The following STX11 variants were observed in gnomAD, a reference collection of about 807,000 sequenced individuals.
STX11 encodes syntaxin 11, also known as syntaxin-11.
STX11 carries 21 observed loss-of-function variants against 19.9 expected under a neutral mutation model. That is an observed-to-expected ratio of 1.06 (90% CI 0.75 to 1.52). The LOEUF (loss-of-function observed/expected upper bound fraction) is 1.52. Among genes scored for constraint, STX11 ranks in the 40% most tolerant of loss-of-function variants. The pLI, the probability that STX11 is intolerant of heterozygous loss-of-function variation, is 0.00. For synonymous variants in STX11, 193 were observed against 174.4 expected, an observed-to-expected ratio of 1.11 and a Z score of -0.84; for missense variants, 438 against 405.9, an observed-to-expected ratio of 1.08 and a Z score of -0.68.
intron 1 of STX11, among the ~76,000 whole-genome samples, chr6:144,171,373 T>G (rs1801627196): frequency 6.6e-6 from 1 of 152,220 alleles, no homozygotes; most frequent in African/African-American, 2.4e-5. Flanking sequence ...ATCAGGAAAC[T>G]TCTCTGGTCC....
At position 144,175,432 on chromosome 6, in the gene STX11, G is replaced by A. The variant is rs1459745287; in HGVS notation, c.-5-11191G>A. Reference sequence around the variant, plus strand: ...GTTTTTTCTTCTGCCTCATCCTCCCGAGTAGCTGGGACTACAGGTATATGC... The same window carrying A: ...GTTTTTTCTTCTGCCTCATCCTCCCAAGTAGCTGGGACTACAGGTATATGC... On this transcript the variant is annotated intron_variant, in intron 1 of 1. Coordinates refer to ENST00000367568, the MANE Select transcript of STX11 (RefSeq NM_003764.4). This position sits in a 1 kb window ranked among gnomAD's most constrained non-coding sequence, Gnocchi z 5.1. Among the ~76,000 whole-genome samples, 2 of 151,894 alleles carry A rather than the reference G, an allele frequency of 1.3e-5. No homozygotes were observed. The highest frequency in any genetic ancestry group is 6.6e-5 in the Admixed American group (1 of 15,256).
rs1289203083 is a variant in STX11, at chr6:144,170,467, G to A, written c.-5-16156G>A. On this transcript the variant is annotated intron_variant, in intron 1 of 1. Transcript: ENST00000367568. This position sits in a 1 kb window ranked among gnomAD's most constrained non-coding sequence, Gnocchi z 4.7. The stretch of plus-strand genomic sequence containing the variant: ...AGTAAATTGTGTGTTATGTACTTGT[G>A]TTTTGACTGCGACTTGTCACAGGAG... Among the ~76,000 whole-genome samples, 1 of 152,124 alleles carries A rather than the reference G, an allele frequency of 6.6e-6. No homozygotes were observed. The highest frequency in any genetic ancestry group is 1.9e-4 in the East Asian group (1 of 5,198).
At chr6:144,161,190 TAAG>T (rs1433890553) in intron 1 of STX11, among the ~76,000 whole-genome samples, 1 of 152,170 alleles carries the variant, frequency 6.6e-6, no homozygotes, top group Non-Finnish European at 1.5e-5. Context: ...AATTTTTAAA[TAAG>T]AAGCAATGAT....
upstream of STX11, among the ~76,000 whole-genome samples, chr6:144,146,354 C>G (rs1197154495): frequency 6.6e-6 from 1 of 152,152 alleles, no homozygotes; most frequent in Admixed American, 6.5e-5. The surrounding 1 kb of genome is among the most constrained non-coding windows in gnomAD (Gnocchi z 4.4). Flanking sequence ...GCCAAGGTCT[C>G]CAGAGAAATT....
At chr6:144,142,178 TTAAA>T in the STX11 span, among the ~76,000 whole-genome samples, 1 of 151,880 alleles carries the variant, frequency 6.6e-6, no homozygotes, top group Non-Finnish European at 1.5e-5. Flanking sequence ...TGATGAGAAA[TTAAA>T]TAATATACGA....
rs1302703326 is a variant in STX11 at position 144,156,014 on chromosome 6, C to CTT, written c.-6+5312_-6+5313insTT. On this transcript the variant is annotated intron_variant, in intron 1 of 1. Coordinates refer to ENST00000367568, the MANE Select transcript of STX11 (RefSeq NM_003764.4). ...TCTTTCTTTCTTTCTTTCTTTCTTT[C>CTT]TCTCTTTCTCTCCTTCCTTCCTTCC... is the stretch of plus-strand genomic sequence containing the variant. 1.8e-3 allele frequency among the ~76,000 whole-genome samples: 204 copies of CTT among 114,860 alleles called. 3 individuals carry two copies. Among genetic ancestry groups the CTT allele is most frequent in the African/African-American group, 9.7e-3 (191 of 19,704 alleles). The allele number at this position is 114,860 out of a possible 152,430, so 75.4% of individuals were successfully genotyped here.
At chr6:144,164,448 C>G (rs1801425272) in intron 1 of STX11, among the ~76,000 whole-genome samples, 1 of 152,178 alleles carries the variant, frequency 6.6e-6, no homozygotes, top group South Asian at 2.1e-4. Flanking sequence ...TACTGATAGT[C>G]TATTCACAAG....
rs934250959 is a variant in STX11, at chr6:144,175,234, C to T, written c.-5-11389C>T. Among the ~76,000 whole-genome samples the T allele has an allele frequency of 3.9e-5, 6 of 152,066 alleles. No individual in the cohort carries two copies. The highest frequency in any genetic ancestry group is 8.8e-5 in the Non-Finnish European group (6 of 68,026). ...CTCCAGCCTGGGCAACAGAGCGAGA[C>T]CCTGTGTCAAACAATAATAATAATG... is the stretch of plus-strand genomic sequence containing the variant. On this transcript the variant is annotated intron_variant, in intron 1 of 1. Transcript: ENST00000367568. This position sits in a 1 kb window ranked among gnomAD's most constrained non-coding sequence, Gnocchi z 5.1.
Position 144,180,820 on chromosome 6 carries a change from A to G in STX11, c.-5-5803A>G, listed in dbSNP as rs1467307390. 6.6e-6 allele frequency among the ~76,000 whole-genome samples: 1 copy of G among 152,216 alleles called. No homozygotes were observed. Among genetic ancestry groups the G allele is most frequent in the African/African-American group, 2.4e-5 (1 of 41,460 alleles). On this transcript the variant is annotated intron_variant, in intron 1 of 1. Transcript: ENST00000367568. The surrounding 1 kb of genome is among the most constrained non-coding windows in gnomAD (Gnocchi z 5.3). ...AATTTTAAGATTCTATGTGCCAAAT[A>G]TAGTAGGCTATTCAAAGCAGGATCT...
At chr6:144,144,730 T>C in the STX11 span, among the ~76,000 whole-genome samples, 1 of 152,190 alleles carries the variant, frequency 6.6e-6, no homozygotes, top group Non-Finnish European at 1.5e-5. Flanking sequence ...TAAAGTACAG[T>C]GTAAATCTAG....
chr6:144,174,201 C>G lies in STX11; in HGVS notation c.-5-12422C>G, dbSNP rs1204749235. On this transcript the variant is annotated intron_variant, in intron 1 of 1. Coordinates refer to ENST00000367568, the MANE Select transcript of STX11 (RefSeq NM_003764.4). This position sits in a 1 kb window ranked among gnomAD's most constrained non-coding sequence, Gnocchi z 5.3. ...GAATTAAGCTACCCAATAGCAAGCCCTTTTGCACAAATGCTTTTCAAACCT... is the reference window on the plus strand; with the variant it reads ...GAATTAAGCTACCCAATAGCAAGCCGTTTTGCACAAATGCTTTTCAAACCT... 6.6e-6 allele frequency among the ~76,000 whole-genome samples: 1 copy of G among 152,118 alleles called. No homozygotes were observed. The highest frequency in any genetic ancestry group is 1.5e-5 in the Non-Finnish European group (1 of 68,036).
rs1428850570 is a variant in STX11, at chr6:144,153,158, G to T, written c.-6+2455G>T. Reference sequence around the variant, plus strand: ...CCCCAGTTTGCTAAGATATCCAACTGGTAAAGGCAACAATGCTAAATTTCA... The same window carrying T: ...CCCCAGTTTGCTAAGATATCCAACTTGTAAAGGCAACAATGCTAAATTTCA... On this transcript the variant is annotated intron_variant, in intron 1 of 1. Transcript: ENST00000367568. The surrounding 1 kb of genome is among the most constrained non-coding windows in gnomAD (Gnocchi z 5.0). 6.6e-6 allele frequency among the ~76,000 whole-genome samples: 1 copy of T among 152,078 alleles called. No homozygotes were observed. Among genetic ancestry groups the T allele is most frequent in the Non-Finnish European group, 1.5e-5 (1 of 68,018 alleles).
chr6:144,145,052 C>T, the STX11 span, among the ~76,000 whole-genome samples: 7 of 98,258 alleles, frequency 7.1e-5, no homozygotes, highest in African/African-American at 1.9e-4. Context: ...TGGGTATATA[C>T]CCCCCAAAAA....
rs1397823684 is a variant in STX11, at chr6:144,183,757, C to T, written c.-5-2866C>T. ...TTATGTTTTTAAGTTCCGGGGTACA[C>T]GTGCAAGATGCGCAGGTTTGTTACA... On this transcript the variant is annotated intron_variant, in intron 1 of 1. Coordinates refer to ENST00000367568, the MANE Select transcript of STX11 (RefSeq NM_003764.4). The surrounding 1 kb of genome is among the most constrained non-coding windows in gnomAD (Gnocchi z 4.6). Among the ~76,000 whole-genome samples the T allele has an allele frequency of 6.6e-6, 1 of 152,232 alleles. No individual in the cohort carries two copies. The highest frequency in any genetic ancestry group is 2.4e-5 in the African/African-American group (1 of 41,544).
chr6:144,154,035 G>A lies in STX11; in HGVS notation c.-6+3332G>A, dbSNP rs563857129. On this transcript the variant is annotated intron_variant, in intron 1 of 1. Transcript: ENST00000367568. The surrounding 1 kb of genome is among the most constrained non-coding windows in gnomAD (Gnocchi z 4.7). Reference sequence around the variant, plus strand: ...ATCCTAGACTCACTATGTGCGTTAAGCCTTTTACTCGTCAGTACAATCCTG... The same window carrying A: ...ATCCTAGACTCACTATGTGCGTTAAACCTTTTACTCGTCAGTACAATCCTG... Among the ~76,000 whole-genome samples, 2 of 152,190 alleles carry A rather than the reference G, an allele frequency of 1.3e-5. No individual in the cohort carries two copies. Among genetic ancestry groups the A allele is most frequent in the Non-Finnish European group, 2.9e-5 (2 of 68,034 alleles).
chr6:144,187,124 A>C lies in STX11; in HGVS notation c.497A>C (p.Glu166Ala), dbSNP rs963071982. 5 of 1,613,972 alleles carry C rather than the reference A, an allele frequency of 3.1e-6. No individual in the cohort carries two copies. Among genetic ancestry groups the C allele is most frequent in the Admixed American group, 1.7e-5 (1 of 60,032 alleles). Residue 166 changes from glutamate to alanine, a missense_variant, in exon 2 of 2, where the codon GAG becomes GCG. Glu to Ala is a moderately radical substitution (Grantham distance 107). Transcript: ENST00000367568. The surrounding 1 kb of genome is among the most constrained non-coding windows in gnomAD (Gnocchi z 5.6). ...NCKIRIQRQL[E>A]IMGKEVSGDQ... is the part of the protein sequence containing the mutation. ...AAGATCCGCATCCAGCGCCAGCTGG[A>C]GATCATGGGCAAGGAAGTCTCGGGC... is the stretch of plus-strand genomic sequence containing the variant.
rs1200100825 is a variant in STX11 at position 144,189,373 on chromosome 6, TGGAGGG to T, written c.*1886_*1891del. Among the ~76,000 whole-genome samples, 1 of 152,054 alleles carries T rather than the reference TGGAGGG, an allele frequency of 6.6e-6. No individual in the cohort carries two copies. The highest frequency in any genetic ancestry group is 1.9e-4 in the East Asian group (1 of 5,182). On this transcript the variant is annotated 3_prime_UTR_variant, in exon 2 of 2. Transcript: ENST00000367568. ...GCTGCCACATCTGGATGGAACTGAG[TGGAGGG>T]GGAAAAGAATGAAAAACTCAAAAGA...
upstream of STX11, among the ~76,000 whole-genome samples, chr6:144,147,547 A>C (rs2128744809): frequency 6.6e-6 from 1 of 152,174 alleles, no homozygotes; most frequent in South Asian, 2.1e-4. The surrounding 1 kb of genome is among the most constrained non-coding windows in gnomAD (Gnocchi z 4.2). Flanking sequence ...AGACATCCCC[A>C]TTCTGTCTGC....
rs1396137060 is a variant in STX11, at chr6:144,191,525, T to A, written c.*4034T>A. Among the ~76,000 whole-genome samples the A allele has an allele frequency of 1.8e-5, 1 of 54,508 alleles. No individual in the cohort carries two copies. Among genetic ancestry groups the A allele is most frequent in the Non-Finnish European group, 3.8e-5 (1 of 26,266 alleles). 35.8% of individuals were successfully genotyped at this position (54,508 alleles called of 152,430 possible). ...CTTGACAGGAAACTACTGAAGATTG[T>A]GTACAGCTTAAAAAAAAAAATAGGG... On this transcript the variant is annotated 3_prime_UTR_variant, in exon 2 of 2. Transcript: ENST00000367568.
Sources: gnomAD v4.1 joint callset for allele counts (sites outside exome capture counted in the v4.1 genomes callset) on GRCh38, gnomAD v4.1.1 for gene constraint, Gnocchi (gnomAD v3.1) non-coding constraint, MANE v1.5 for transcripts, NCBI Gene and HGNC (gene_info 2026-07-23, HGNC 2026-07-21) for gene names.